Variants in DDX24 observed in about 807,000 individuals in gnomAD.
The protein encoded by DDX24 is DEAD-box helicase 24, also known as ATP-dependent RNA helicase DDX24.
DDX24 carries 24 observed loss-of-function variants against 68.9 expected under a neutral mutation model. That is an observed-to-expected ratio of 0.35 (90% CI 0.25 to 0.49). The LOEUF is 0.49. Ranked by LOEUF, DDX24 falls within the 20% of genes least tolerant of loss-of-function variation. The probability of loss-of-function intolerance (pLI) is 0.99; values close to 1 mark genes in which losing one functional copy is unlikely to be tolerated. For synonymous variants in DDX24, 395 were observed against 385.2 expected, an observed-to-expected ratio of 1.03 and a Z score of -0.30; for missense variants, 989 against 1,039.0, an observed-to-expected ratio of 0.95 and a Z score of 0.66.
intron 1 of DDX24, among the ~76,000 whole-genome samples, chr14:94,080,050 T>C (rs1286586688): frequency 6.6e-6 from 1 of 152,366 alleles, no homozygotes; most frequent in African/African-American, 2.4e-5. Flanking sequence ...TGAACTTCAG[T>C]GCTCTCATCT....
At chr14:94,073,867 C>A (rs1223100939) in intron 2 of DDX24, among the ~76,000 whole-genome samples, 1 of 151,642 alleles carries the variant, frequency 6.6e-6, no homozygotes, top group Non-Finnish European at 1.5e-5. Context: ...CACGGTGAAA[C>A]CCTGTCTCTA....
chr14:94,077,811 A>T (rs1888995867), intron 2 of DDX24, among the ~76,000 whole-genome samples: 1 of 152,034 alleles, frequency 6.6e-6, no homozygotes, highest in African/African-American at 2.4e-5. Flanking sequence ...CTTAAAATGT[A>T]GTTACTCTAA....
chr14:94,072,221 C>G (rs939936531), intron 2 of DDX24, among the ~76,000 whole-genome samples: 1 of 152,060 alleles, frequency 6.6e-6, no homozygotes, highest in African/African-American at 2.4e-5. Flanking sequence ...CATCAATCAA[C>G]GAGTAGATAA....
chr14:94,054,954 C>A, intron 7 of DDX24, 42 bp downstream of exon 7: 1 of 1,596,814 alleles, frequency 6.3e-7, no homozygotes, highest in Non-Finnish European at 8.6e-7. Flanking sequence ...AAGGGAGCAG[C>A]ACAATCCCTT....
Position 94,049,938 on chromosome 14 carries a change from G to A in DDX24, c.*1253C>T, listed in dbSNP as rs563356118. On this transcript the variant is annotated 3_prime_UTR_variant, in exon 9 of 9. Transcript: ENST00000621632. ...TTTCTCAGGACCTTCAAGACTAAAT[G>A]CTAATTAGATAAAAGTGCCAACCAT... 6.6e-6 allele frequency: 1 copy of A among 152,244 alleles called. No homozygotes were observed. Among genetic ancestry groups the A allele is most frequent in the Non-Finnish European group, 1.5e-5 (1 of 68,036 alleles). 9.4% of individuals were successfully genotyped at this position (152,244 alleles called of 1,614,324 possible).
At chr14:94,072,143 T>C (rs572023348) in intron 2 of DDX24, among the ~76,000 whole-genome samples, 106 of 152,348 alleles carry the variant, frequency 7.0e-4, no homozygotes, top group African/African-American at 2.5e-3. Context: ...ACAAAAAAGA[T>C]ACTTTCACAC....
rs1194925200 is a variant in DDX24 at position 94,062,151 on chromosome 14, G to C, written c.1189C>G (p.Arg397Gly). ...TGTTTGACCTGGACGGCCAGCTCTC[G>C]AGTGGGAGTCAGAACCAGTCCAAGC... is the stretch of plus-strand genomic sequence containing the variant. ...PLLGLVLTPT[R>G]ELAVQVKQHI... is the part of the protein sequence containing the mutation. Residue 397 changes from arginine to glycine, a missense_variant, in exon 3 of 9, where the codon CGA becomes GGA. By Grantham distance (125) the Arg-to-Gly change is moderately radical. This residue lies in a region of DDX24 where 691 missense variants were observed against 760.0 expected (regional missense o/e 0.91). Transcript: ENST00000621632. 5 of 1,614,038 alleles carry C rather than the reference G, an allele frequency of 3.1e-6. No homozygotes were observed. Among genetic ancestry groups the C allele is most frequent in the African/African-American group, 1.3e-5 (1 of 75,000 alleles).
chr14:94,060,307 G>A lies in DDX24; in HGVS notation c.1704C>T (p.Ile568=), dbSNP rs202162191. The A allele has an allele frequency of 3.1e-6, 5 of 1,614,212 alleles. No homozygotes were observed. The highest frequency in any genetic ancestry group is 4.5e-5 in the East Asian group (2 of 44,882). Residue 568 remains isoleucine (I), a synonymous_variant, in exon 5 of 9, where the codon ATC becomes ATT. Coordinates refer to ENST00000621632, the MANE Select transcript of DDX24 (RefSeq NM_020414.4). ...AGTCTTTCTCATCAGTCTCACAATG[G>A]ATCTTGGTCTCTGTTAGCGTCTCCA... ...ATVETLTETK[I]HCETDEKDFY...
intron 2 of DDX24, among the ~76,000 whole-genome samples, chr14:94,075,979 T>C (rs1885931841): frequency 6.6e-6 from 1 of 152,212 alleles, no homozygotes; most frequent in Non-Finnish European, 1.5e-5. Flanking sequence ...GCATACCTAG[T>C]TATTGACAAG....
At position 94,081,135 on chromosome 14, in the gene DDX24, C is replaced by T. The variant is rs1017866585; in HGVS notation, c.-22G>A. The T allele has an allele frequency of 1.3e-5, 2 of 152,332 alleles. No individual in the cohort carries two copies. Among genetic ancestry groups the T allele is most frequent in the Non-Finnish European group, 2.9e-5 (2 of 68,120 alleles). 9.4% of individuals were successfully genotyped at this position (152,332 alleles called of 1,614,324 possible). A position where few individuals can be genotyped will look rare whatever the true frequency, so the allele number is the denominator to read the frequency against. ...GGTACTCACCGTGTGGAGACGCCACCGCAGCTCCGTCAGTCGCGAGTGAAG... is the reference window on the plus strand; with the variant it reads ...GGTACTCACCGTGTGGAGACGCCACTGCAGCTCCGTCAGTCGCGAGTGAAG... On this transcript the variant is annotated 5_prime_UTR_variant, in exon 1 of 9. Transcript: ENST00000621632.
intron 2 of DDX24, among the ~76,000 whole-genome samples, chr14:94,071,178 C>T (rs1010836922): frequency 2.0e-5 from 3 of 151,884 alleles, no homozygotes; most frequent in Non-Finnish European, 2.9e-5. Flanking sequence ...AAAAAAATCC[C>T]ATCAAAAAGT....
intron 6 of DDX24, chr14:94,057,610 G>C (rs1885514521): frequency 1.9e-6 from 1 of 525,486 alleles, no homozygotes; most frequent in Non-Finnish European, 3.3e-6. Context: ...AGCTTGGAGA[G>C]AAGGGCTACT....
intron 2 of DDX24, among the ~76,000 whole-genome samples, chr14:94,065,474 C>A (rs1232438220): frequency 6.6e-6 from 1 of 151,824 alleles, no homozygotes; most frequent in Non-Finnish European, 1.5e-5. Flanking sequence ...TTAAACCTAA[C>A]CACTGATGCT....
At chr14:94,058,738 G>A (rs996828933) in intron 5 of DDX24, among the ~76,000 whole-genome samples, 3 of 152,198 alleles carry the variant, frequency 2.0e-5, no homozygotes, top group Admixed American at 2.0e-4. Flanking sequence ...CTGAGGCCGG[G>A]AAATGCAATG....
chr14:94,072,505 T>C (rs1157996542), intron 2 of DDX24, among the ~76,000 whole-genome samples: 1 of 152,126 alleles, frequency 6.6e-6, no homozygotes, highest in African/African-American at 2.4e-5. Context: ...GTAGCGTATA[T>C]TGCTCGGGTG....
intron 7 of DDX24, among the ~76,000 whole-genome samples, chr14:94,054,198 C>T (rs934861386): frequency 1.3e-5 from 2 of 152,150 alleles, no homozygotes; most frequent in African/African-American, 4.8e-5. Context: ...GGGAAAGAAA[C>T]CAAGGGAAGC....
chr14:94,066,056 G>A (rs1251541294), intron 2 of DDX24, among the ~76,000 whole-genome samples: 1 of 152,146 alleles, frequency 6.6e-6, no homozygotes, highest in African/African-American at 2.4e-5. Flanking sequence ...TCACAGGTAG[G>A]GGAAGAACTA....
chr14:94,065,125 C>T (rs1885674209), intron 2 of DDX24, among the ~76,000 whole-genome samples: 1 of 151,654 alleles, frequency 6.6e-6, no homozygotes, highest in Non-Finnish European at 1.5e-5. Context: ...TCTCAGCTCA[C>T]TGCAACCTCC....
chr14:94,051,419 C>G lies in DDX24; in HGVS notation c.2352G>C (p.Gln784His). ...GCAGCTCCTTCTTCAGAACCTTCATCTGCTTTTGTCTCCGACGTTCTTCTT... is the reference window on the plus strand; with the variant it reads ...GCAGCTCCTTCTTCAGAACCTTCATGTGCTTTTGTCTCCGACGTTCTTCTT... Reference protein sequence around the residue: ...DQQEERRRQKQMKVLKKELRH... With the variant: ...DQQEERRRQKHMKVLKKELRH... The change falls in exon 9 of 9, where the codon CAG (glutamine) becomes CAC (histidine). Residue 784 changes from glutamine (Q) to histidine (H), a missense_variant. Physicochemically the swap from Gln to His is conservative, Grantham distance 24. Around this residue, in one of 3 missense-constraint regions of DDX24, gnomAD observed 691 missense variants for 760.0 expected, o/e 0.91. Transcript: ENST00000621632. 1 of 1,586,640 alleles carries G rather than the reference C, an allele frequency of 6.3e-7. No individual in the cohort carries two copies. Among genetic ancestry groups the G allele is most frequent in the Non-Finnish European group, 8.6e-7 (1 of 1,168,824 alleles).
Sources: allele counts gnomAD v4.1 joint callset (sites outside exome capture counted in the v4.1 genomes callset), GRCh38; gene constraint gnomAD v4.1.1; regional missense constraint gnomAD v4.1.1; transcripts MANE v1.5; gene names NCBI Gene and HGNC (gene_info 2026-07-23, HGNC 2026-07-21).